The following SCN8A variants were observed in gnomAD, a reference collection of about 807,000 sequenced individuals.
SCN8A encodes the protein sodium channel protein type 8 subunit alpha.
In SCN8A, 30 loss-of-function variants were observed where a neutral mutation model predicts 184.1. The observed-to-expected ratio is 0.16, with a 90% CI of 0.12 to 0.22. SCN8A has a LOEUF of 0.22. SCN8A is among the 10% of genes least tolerant of loss of function. The probability of loss-of-function intolerance (pLI) is 1.00; values close to 1 mark genes in which losing one functional copy is unlikely to be tolerated. For missense variants in SCN8A, 1,057 were observed against 2,498.9 expected (o/e 0.42, Z 12.30); for synonymous variants, 852 against 907.0 (o/e 0.94, Z 1.09).
chr12:51,699,548 T>G (rs762682027), intron 6 of SCN8A, 22 bp from the exon 7 acceptor site: 1 of 1,589,498 alleles, frequency 6.3e-7, no homozygotes, highest in African/African-American at 1.3e-5. Context: ...TGCCTCTGAT[T>G]CCGGGGATTC....
intron 14 of SCN8A, among the ~76,000 whole-genome samples, chr12:51,754,323 C>T (rs1413402472): frequency 2.8e-5 from 4 of 144,598 alleles, no homozygotes; most frequent in African/African-American, 7.6e-5. Context: ...CAAAAAACTT[C>T]TTTTTTTTTT....
At chr12:51,758,103 G>A (rs1011051137) in intron 14 of SCN8A, among the ~76,000 whole-genome samples, 5 of 152,158 alleles carry the variant, frequency 3.3e-5, no homozygotes, top group African/African-American at 9.7e-5. Context: ...CAGGAACACG[G>A]CTGTGAATAG....
At chr12:51,676,490 T>C (rs1188843206) in intron 2 of SCN8A, among the ~76,000 whole-genome samples, 1 of 152,216 alleles carries the variant, frequency 6.6e-6, no homozygotes, top group Non-Finnish European at 1.5e-5. Flanking sequence ...TATTTGTTGC[T>C]TGCTATATTG....
At chr12:51,763,298 A>G (rs1942789585) in intron 15 of SCN8A, among the ~76,000 whole-genome samples, 1 of 152,230 alleles carries the variant, frequency 6.6e-6, no homozygotes, top group Non-Finnish European at 1.5e-5. Context: ...TCAGTATAGT[A>G]TTCAATAAAT....
chr12:51,633,261 A>G (rs1233754899), intron 1 of SCN8A, among the ~76,000 whole-genome samples: 2 of 152,326 alleles, frequency 1.3e-5, no homozygotes, highest in Admixed American at 1.3e-4. Flanking sequence ...ACACATATAC[A>G]TTTACACATA....
intron 21 of SCN8A, among the ~76,000 whole-genome samples, chr12:51,782,019 T>C (rs887905985): frequency 2.6e-5 from 4 of 152,200 alleles, no homozygotes; most frequent in African/African-American, 7.2e-5. Context: ...GAAAACTTAA[T>C]TGGGACTTGG....
chr12:51,635,933 C>T (rs1565867871), intron 1 of SCN8A, among the ~76,000 whole-genome samples: 2 of 152,100 alleles, frequency 1.3e-5, no homozygotes, highest in Non-Finnish European at 2.9e-5. Context: ...ACCCAGAAGC[C>T]CACCCAACTT....
At chr12:51,645,117 C>G (rs1409961442) in intron 1 of SCN8A, among the ~76,000 whole-genome samples, 13 of 133,426 alleles carry the variant, frequency 9.7e-5, no homozygotes, top group Non-Finnish European at 8.1e-5. Flanking sequence ...CCCCGTCTGG[C>G]AGGTGAGGGG....
chr12:51,747,377 T>C (rs995804515), intron 13 of SCN8A, among the ~76,000 whole-genome samples: 1 of 152,154 alleles, frequency 6.6e-6, no homozygotes, highest in African/African-American at 2.4e-5. Context: ...TACTTTGAGA[T>C]TGTGGGCAAA....
intron 25 of SCN8A, among the ~76,000 whole-genome samples, chr12:51,792,937 T>G (rs1188293965): frequency 6.6e-6 from 1 of 152,084 alleles, no homozygotes; most frequent in Non-Finnish European, 1.5e-5. Flanking sequence ...GAGACAAGGT[T>G]TCACCATGTT....
intron 20 of SCN8A, among the ~76,000 whole-genome samples, chr12:51,778,282 A>T (rs554489726): frequency 2.0e-4 from 30 of 151,894 alleles, no homozygotes; most frequent in African/African-American, 6.5e-4. Context: ...TTTTTATTTT[A>T]TTTATTTATT....
chr12:51,686,639 A>T (rs545441987), intron 4 of SCN8A, among the ~76,000 whole-genome samples, 182 bp downstream of exon 4: 1 of 152,184 alleles, frequency 6.6e-6, no homozygotes, highest in African/African-American at 2.4e-5. Context: ...AGTCAACTCT[A>T]GAAATTACTG....
At chr12:51,663,411 C>T (rs368944048) in intron 2 of SCN8A, among the ~76,000 whole-genome samples, 17 of 152,126 alleles carry the variant, frequency 1.1e-4, no homozygotes, top group African/African-American at 3.9e-4. Flanking sequence ...GCCTCCCTCT[C>T]TCAAACACAC....
chr12:51,618,407 A>G (rs1166555068), intron 1 of SCN8A, among the ~76,000 whole-genome samples: 1 of 150,884 alleles, frequency 6.6e-6, no homozygotes, highest in African/African-American at 2.4e-5. Context: ...CTTGGGGCAC[A>G]GTTCTGGATT....
chr12:51,811,743 C>G lies in SCN8A; in HGVS notation c.*4314C>G, dbSNP rs1938908463. 1 of 152,496 alleles carries G rather than the reference C, an allele frequency of 6.6e-6. No individual in the cohort carries two copies. Among genetic ancestry groups the G allele is most frequent in the African/African-American group, 2.4e-5 (1 of 41,588 alleles). 9.4% of individuals were successfully genotyped at this position (152,496 alleles called of 1,614,324 possible). ...ATCTCGAAGTGCCCACTCTAGTCCG[C>G]TCCAGTAGCTCCACTCTGGAGCGAG... On this transcript the variant is annotated 3_prime_UTR_variant, in exon 27 of 27. Coordinates refer to ENST00000627620, the MANE Select transcript of SCN8A (RefSeq NM_001330260.2).
chr12:51,595,552 C>CTA (rs1939328792), intron 1 of SCN8A, among the ~76,000 whole-genome samples: 1 of 152,138 alleles, frequency 6.6e-6, no homozygotes. Flanking sequence ...CCCGACTCTG[C>CTA]TATGTATTGG....
chr12:51,638,983 T>A (rs1047143128), intron 1 of SCN8A, among the ~76,000 whole-genome samples: 53 of 151,832 alleles, frequency 3.5e-4, no homozygotes, highest in Non-Finnish European at 3.8e-4. Flanking sequence ...AAAGAAAAAA[T>A]TTTTTTTTCT....
intron 8 of SCN8A, 109 bp from the exon 9 acceptor site, chr12:51,702,661 TTTA>T: frequency 1.2e-6 from 1 of 850,850 alleles, no homozygotes. Flanking sequence ...TCAATGGTTA[TTTA>T]TTATCTCCAA....
At chr12:51,607,896 G>T (rs937052882) in intron 1 of SCN8A, among the ~76,000 whole-genome samples, 1 of 151,858 alleles carries the variant, frequency 6.6e-6, no homozygotes, top group African/African-American at 2.4e-5. Context: ...TTCTTTTTTG[G>T]TTATGTCCTT....
Sources: gnomAD v4.1 joint callset for allele counts (sites outside exome capture counted in the v4.1 genomes callset) on GRCh38, gnomAD v4.1.1 for gene constraint, MANE v1.5 for transcripts, NCBI Gene and HGNC (gene_info 2026-07-23, HGNC 2026-07-21) for gene names.